Variants in ADAMTS17 observed in about 807,000 individuals in gnomAD.
ADAMTS17 encodes ADAM metallopeptidase with thrombospondin type 1 motif 17.
In ADAMTS17, 113 loss-of-function variants were observed where a neutral mutation model predicts 141.5. That is an observed-to-expected ratio of 0.80 (90% CI 0.69 to 0.93). The LOEUF is 0.93. Among genes scored for constraint, ADAMTS17 ranks in the 40% least tolerant of loss-of-function variants. The probability of loss-of-function intolerance (pLI) is 0.00; values close to 1 mark genes in which losing one functional copy is unlikely to be tolerated. For synonymous variants in ADAMTS17, 768 were observed against 630.6 expected (o/e 1.22, Z -3.27); for missense variants, 1,659 against 1,517.9 (o/e 1.09, Z -1.54).
At chr15:100,086,446 C>G (rs766472763) in intron 15 of ADAMTS17, among the ~76,000 whole-genome samples, 5 of 151,782 alleles carry the variant, frequency 3.3e-5, no homozygotes, top group African/African-American at 1.2e-4. Flanking sequence ...ACGAGACAGA[C>G]AGTTAACAAG....
intron 19 of ADAMTS17, among the ~76,000 whole-genome samples, chr15:99,995,299 C>T (rs1171945984): frequency 4.6e-5 from 7 of 152,256 alleles, no homozygotes; most frequent in Non-Finnish European, 8.8e-5. Context: ...ACCATTTCTG[C>T]CTAAGTTCAC....
At chr15:100,138,391 T>C (rs904462497) in intron 10 of ADAMTS17, among the ~76,000 whole-genome samples, 3 of 152,160 alleles carry the variant, frequency 2.0e-5, no homozygotes, top group Admixed American at 6.5e-5. Context: ...ATAGTAACTA[T>C]CTATAAAGAA....
chr15:99,976,689 G>A, intron 20 of ADAMTS17: 1 of 253,560 alleles, frequency 3.9e-6, no homozygotes, highest in South Asian at 4.9e-5. Context: ...GAGCTTGCTG[G>A]CTCTCCACCG....
In ADAMTS17 at chr15:100,305,051, A is replaced by G. The variant is rs2045175265; in HGVS notation, c.617-23650T>C. ...AACAGTAAGACTTCCAGTCAAGCGCAGCCTATAAGCAGTTAAGTTTCTGGA... is the reference window on the plus strand; with the variant it reads ...AACAGTAAGACTTCCAGTCAAGCGCGGCCTATAAGCAGTTAAGTTTCTGGA... On this transcript the variant is annotated intron_variant, in intron 3 of 21. Coordinates refer to ENST00000268070, the MANE Select transcript of ADAMTS17 (RefSeq NM_139057.4). Among the ~76,000 whole-genome samples the G allele has an allele frequency of 2.6e-5, 4 of 152,234 alleles. 1 individual carries two copies. In the South Asian group the frequency reaches 8.3e-4, roughly 31 times the overall value.
intron 18 of ADAMTS17, among the ~76,000 whole-genome samples, chr15:100,007,795 G>A (rs1394122282): frequency 4.6e-5 from 7 of 152,068 alleles, no homozygotes; most frequent in Non-Finnish European, 8.8e-5. Context: ...AGCTTGGGGT[G>A]CGGTCAGGTT....
chr15:100,152,385 ATGTG>A (rs1405992280), intron 10 of ADAMTS17, among the ~76,000 whole-genome samples: 2 of 151,940 alleles, frequency 1.3e-5, no homozygotes, highest in Non-Finnish European at 2.9e-5. Context: ...GTAGGTGTGT[ATGTG>A]TGTATGGCTA....
chr15:100,253,512 AG>A (rs1425930475), intron 7 of ADAMTS17, among the ~76,000 whole-genome samples: 1 of 49,650 alleles, frequency 2.0e-5, no homozygotes, highest in African/African-American at 8.4e-5. Flanking sequence ...GGGAAGGTAG[AG>A]GGGGGAGGGG....
At chr15:99,995,456 G>C (rs569612647) in intron 19 of ADAMTS17, among the ~76,000 whole-genome samples, 1 of 152,312 alleles carries the variant, frequency 6.6e-6, no homozygotes, top group East Asian at 1.9e-4. Flanking sequence ...TGCTGAGGAC[G>C]GCTCCAGCTC....
intron 15 of ADAMTS17, among the ~76,000 whole-genome samples, chr15:100,081,040 G>C (rs2034699679): frequency 6.6e-6 from 1 of 152,220 alleles, no homozygotes; most frequent in African/African-American, 2.4e-5. Context: ...GGATGTGTCT[G>C]TGAGGGTGTT....
At chr15:100,033,228 G>A (rs1415403240) in intron 18 of ADAMTS17, among the ~76,000 whole-genome samples, 4 of 152,094 alleles carry the variant, frequency 2.6e-5, no homozygotes, top group African/African-American at 9.7e-5. Flanking sequence ...GATTCTGTTG[G>A]TACAATCTTG....
rs563553334 is a variant in ADAMTS17 at position 100,051,920 on chromosome 15, T to G, written c.2296-189A>C. On this transcript the variant is annotated intron_variant, in intron 16 of 21. Coordinates refer to ENST00000268070, the MANE Select transcript of ADAMTS17 (RefSeq NM_139057.4). ...GCCCTGGATTCCTCAGGGACTCAAC[T>G]GAGGAGTGGGGTGAATGCAAACCAT... is the stretch of plus-strand genomic sequence containing the variant. 1.2e-4 allele frequency among the ~76,000 whole-genome samples: 18 copies of G among 152,266 alleles called. No homozygotes were observed. In the East Asian group the frequency reaches 1.9e-3, roughly 16 times the overall value.
At chr15:100,268,950 G>C (rs1216556012) in intron 4 of ADAMTS17, among the ~76,000 whole-genome samples, 1 of 140,748 alleles carries the variant, frequency 7.1e-6, no homozygotes, top group African/African-American at 2.7e-5. Context: ...CAATGGAACA[G>C]AAACAGGAAC....
chr15:100,164,378 A>T (rs1460561818), intron 8 of ADAMTS17, among the ~76,000 whole-genome samples: 1 of 96,648 alleles, frequency 1.0e-5, no homozygotes, highest in African/African-American at 4.2e-5. Context: ...AAACAGGGAT[A>T]ATAATACTGA....
At chr15:100,022,263 C>T (rs187408927) in intron 18 of ADAMTS17, among the ~76,000 whole-genome samples, 3 of 152,298 alleles carry the variant, frequency 2.0e-5, no homozygotes, top group Non-Finnish European at 4.4e-5. Flanking sequence ...CCAGGAGCTG[C>T]GTGCACCACA....
At chr15:100,301,211 C>T (rs1202193287) in intron 3 of ADAMTS17, among the ~76,000 whole-genome samples, 1 of 151,988 alleles carries the variant, frequency 6.6e-6, no homozygotes. Flanking sequence ...TTTCTAAGTC[C>T]TTGTATTTCA....
chr15:100,030,222 C>T (rs961123487), intron 18 of ADAMTS17, among the ~76,000 whole-genome samples: 2 of 152,146 alleles, frequency 1.3e-5, no homozygotes, highest in African/African-American at 2.4e-5. Context: ...GATTAAGAGT[C>T]GTGGAAGGAA....
At chr15:100,054,168 G>T in intron 15 of ADAMTS17, 114 bp from the exon 16 acceptor site, 6 of 1,213,102 alleles carry the variant, frequency 4.9e-6, no homozygotes, top group Non-Finnish European at 7.3e-6. Flanking sequence ...CTTCCACAGG[G>T]GGAAGGAGGG....
chr15:100,214,058 T>A (rs2041892397), intron 7 of ADAMTS17, among the ~76,000 whole-genome samples: 1 of 151,622 alleles, frequency 6.6e-6, no homozygotes, highest in Non-Finnish European at 1.5e-5. Flanking sequence ...GTTTTTGTTT[T>A]TTGTTTGTTT....
chr15:100,186,684 A>C (rs2040730054), intron 8 of ADAMTS17, among the ~76,000 whole-genome samples: 1 of 152,144 alleles, frequency 6.6e-6, no homozygotes, highest in African/African-American at 2.4e-5. Flanking sequence ...AACTCCTTTA[A>C]CTGCAGCAGT....
Sources: gnomAD v4.1 joint callset for allele counts (sites outside exome capture counted in the v4.1 genomes callset) on GRCh38, gnomAD v4.1.1 for gene constraint, MANE v1.5 for transcripts, NCBI Gene and HGNC (gene_info 2026-07-23, HGNC 2026-07-21) for gene names.